Variants in DRC8 observed in about 807,000 individuals in gnomAD.
DRC8 encodes dynein regulatory complex protein 8.
At chr1:245,074,046 T>C in the DRC8 span, among the ~76,000 whole-genome samples, 1 of 152,248 alleles carries the variant, frequency 6.6e-6, no homozygotes, top group Non-Finnish European at 1.5e-5. Context: ...TATTTTTAAA[T>C]TAACGTCGTT....
At chr1:245,051,415 C>G in the DRC8 span, among the ~76,000 whole-genome samples, 6 of 152,010 alleles carry the variant, frequency 3.9e-5, no homozygotes, top group African/African-American at 1.4e-4. Context: ...AAAAGGAAGA[C>G]AAAACCATCG....
the DRC8 span, among the ~76,000 whole-genome samples, chr1:245,080,053 T>C: frequency 6.6e-6 from 1 of 152,158 alleles, no homozygotes; most frequent in Non-Finnish European, 1.5e-5. Context: ...GGGTTCTACC[T>C]TGCTAGGTGT....
the DRC8 span, among the ~76,000 whole-genome samples, chr1:244,986,898 G>C: frequency 1.9e-4 from 29 of 152,240 alleles, no homozygotes; most frequent in South Asian, 6.2e-4. Flanking sequence ...TTTTGTGACT[G>C]GATGTGGGGA....
At chr1:245,050,784 C>T in the DRC8 span, among the ~76,000 whole-genome samples, 7 of 152,064 alleles carry the variant, frequency 4.6e-5, no homozygotes, top group Non-Finnish European at 1.0e-4. Context: ...TTTTTTCTTC[C>T]TCTTTTTCTC....
chr1:245,091,998 G>A, the DRC8 span, among the ~76,000 whole-genome samples: 1 of 152,194 alleles, frequency 6.6e-6, no homozygotes, highest in African/African-American at 2.4e-5. Flanking sequence ...CGGGCCCTGT[G>A]GAAAGCCATC....
At chr1:245,066,662 C>T in the DRC8 span, among the ~76,000 whole-genome samples, 1 of 152,108 alleles carries the variant, frequency 6.6e-6, no homozygotes, top group Non-Finnish European at 1.5e-5. Flanking sequence ...AATCCCAGCA[C>T]TTTGGGAGGC....
At chr1:244,976,537 G>A in the DRC8 span, among the ~76,000 whole-genome samples, 14,100 of 152,122 alleles carry the variant, frequency 0.093, 847 homozygotes, top group East Asian at 0.25. Flanking sequence ...AAAATTTACA[G>A]AAATGTCTCA....
the DRC8 span, among the ~76,000 whole-genome samples, chr1:245,096,806 T>C: frequency 6.6e-6 from 1 of 152,198 alleles, no homozygotes; most frequent in Non-Finnish European, 1.5e-5. Context: ...TAGCATGGCT[T>C]AGGGAAAAGA....
the DRC8 span, among the ~76,000 whole-genome samples, chr1:245,118,686 G>A: frequency 1.3e-5 from 2 of 152,034 alleles, no homozygotes; most frequent in East Asian, 3.9e-4. Flanking sequence ...AGCTACTCAG[G>A]AGGCTGAGGC....
chr1:244,981,334 G>A, the DRC8 span, among the ~76,000 whole-genome samples: 2 of 152,158 alleles, frequency 1.3e-5, 1 homozygote, highest in South Asian at 4.1e-4. Flanking sequence ...GGGAAAATGA[G>A]CAAATAGTGT....
At chr1:245,010,829 C>T in the DRC8 span, among the ~76,000 whole-genome samples, 1 of 151,818 alleles carries the variant, frequency 6.6e-6, no homozygotes, top group Non-Finnish European at 1.5e-5. Flanking sequence ...CTACAGGCAC[C>T]CGCCACCACA....
the DRC8 span, among the ~76,000 whole-genome samples, chr1:245,068,785 AT>A: frequency 3.9e-5 from 6 of 152,060 alleles, no homozygotes; most frequent in Non-Finnish European, 7.4e-5. Flanking sequence ...AGTAGGTAAA[AT>A]TCTGAATCTT....
chr1:245,116,590 A>G, the DRC8 span, among the ~76,000 whole-genome samples: 3 of 152,206 alleles, frequency 2.0e-5, no homozygotes, highest in Non-Finnish European at 4.4e-5. Flanking sequence ...TCTCCAGGGC[A>G]AGAGGAAAGT....
At chr1:245,065,100 ATTT>A in the DRC8 span, among the ~76,000 whole-genome samples, 214 of 71,792 alleles carry the variant, frequency 3.0e-3, 1 homozygote, top group Admixed American at 4.9e-3. Context: ...TTTTTTTTGT[ATTT>A]TTAGTAGAGA....
the DRC8 span, chr1:245,087,740 C>T: frequency 1.8e-3 from 1,751 of 990,110 alleles, 18 homozygotes; most frequent in African/African-American, 0.025. Flanking sequence ...CACTCGAAAA[C>T]GAGTAGCAGT....
At chr1:244,974,611 G>A in the DRC8 span, among the ~76,000 whole-genome samples, 1 of 151,746 alleles carries the variant, frequency 6.6e-6, no homozygotes, top group African/African-American at 2.4e-5. Context: ...GAAATTTCAG[G>A]TGCCTATTAC....
chr1:245,096,339 A>G, the DRC8 span, among the ~76,000 whole-genome samples: 1 of 152,272 alleles, frequency 6.6e-6, no homozygotes, highest in African/African-American at 2.4e-5. Flanking sequence ...AGAATGTCCA[A>G]CACAGGCGGG....
chr1:245,018,635 T>G, the DRC8 span, among the ~76,000 whole-genome samples: 1 of 152,018 alleles, frequency 6.6e-6, no homozygotes, highest in African/African-American at 2.4e-5. Flanking sequence ...GACCTCTCCT[T>G]GAAGGGTTCT....
At chr1:244,995,392 C>T in the DRC8 span, among the ~76,000 whole-genome samples, 6 of 152,014 alleles carry the variant, frequency 3.9e-5, no homozygotes, top group Non-Finnish European at 8.8e-5. Context: ...GGTTCTCACT[C>T]TATCCCCCAG....
Sources: gnomAD v4.1 joint callset for allele counts (sites outside exome capture counted in the v4.1 genomes callset) on GRCh38, gnomAD v4.1.1 for gene constraint, MANE v1.5 for transcripts, NCBI Gene and HGNC (gene_info 2026-07-23, HGNC 2026-07-21) for gene names.